The following CDH13 variants were observed in gnomAD, a reference collection of about 807,000 sequenced individuals.
CDH13 encodes cadherin-13.
Under a neutral mutation model 63.8 loss-of-function variants are expected in CDH13, and 24 were observed. That is an observed-to-expected ratio of 0.38 (90% confidence interval 0.27 to 0.53). The LOEUF (loss-of-function observed/expected upper bound fraction) is 0.53. Among genes scored for constraint, CDH13 ranks in the 20% least tolerant of loss-of-function variants. CDH13 has a pLI of 0.85. For missense variants in CDH13, 1,049 were observed against 903.1 expected (o/e 1.16, Z -2.07); for synonymous variants, 503 against 355.3 (o/e 1.42, Z -4.67).
intron 4 of CDH13, 79 bp downstream of exon 4, chr16:83,125,580 G>T: frequency 2.7e-6 from 2 of 744,306 alleles, no homozygotes; most frequent in Non-Finnish European, 4.7e-6. Context: ...TGACTGTCTT[G>T]GTGACCAGCT....
intron 5 of CDH13, among the ~76,000 whole-genome samples, chr16:83,305,807 T>G (rs2089861021): frequency 6.6e-6 from 1 of 152,212 alleles, no homozygotes; most frequent in Non-Finnish European, 1.5e-5. Flanking sequence ...AGCTACCTAG[T>G]AGGAGGCCAA....
intron 4 of CDH13, among the ~76,000 whole-genome samples, chr16:83,200,403 G>C (rs1234660519): frequency 6.6e-6 from 1 of 152,104 alleles, no homozygotes; most frequent in African/African-American, 2.4e-5. Flanking sequence ...ACTGTACCTC[G>C]TGTTCCATGT....
intron 6 of CDH13, among the ~76,000 whole-genome samples, chr16:83,483,941 G>T (rs1052511731): frequency 6.6e-6 from 1 of 152,156 alleles, no homozygotes; most frequent in Non-Finnish European, 1.5e-5. Flanking sequence ...GAGACAGGGG[G>T]GCTGCATGGG....
At chr16:83,646,712 A>AAACACACACAC (rs1168012793) in intron 8 of CDH13, among the ~76,000 whole-genome samples, 4 of 80,492 alleles carry the variant, frequency 5.0e-5, no homozygotes, top group African/African-American at 1.8e-4. Flanking sequence ...AAAAAAAAAA[A>AAACACACACAC]ACACACACAC....
At position 83,700,285 on chromosome 16, in the gene CDH13, G is replaced by T. The variant is rs543468260; in HGVS notation, c.1538+21824G>T. Among the ~76,000 whole-genome samples, 5 of 152,294 alleles carry T rather than the reference G, an allele frequency of 3.3e-5. No homozygotes were observed. In the South Asian group the frequency reaches 1.0e-3, roughly 32 times the overall value. Reference sequence around the variant, plus strand: ...AGTTACACAGAGACAAAGACCTTCTGCAGAAAGATTCAATTCTATGCAGTC... The same window carrying T: ...AGTTACACAGAGACAAAGACCTTCTTCAGAAAGATTCAATTCTATGCAGTC... On this transcript the variant is annotated intron_variant, in intron 10 of 13. Transcript: ENST00000567109.
rs561131564 is a variant in CDH13, at chr16:82,677,174, G to A, written c.45+50037G>A. Among the ~76,000 whole-genome samples, 13 of 152,316 alleles carry A rather than the reference G, an allele frequency of 8.5e-5. No individual in the cohort carries two copies. The South Asian group carries it at 1.2e-3, about 15-fold the overall frequency. ...TGGAATTATAGGAGTGAGCCACTGC[G>A]CCTGGCCTACACAGTTTTTATGCAT... On this transcript the variant is annotated intron_variant, in intron 1 of 13. Coordinates refer to ENST00000567109, the MANE Select transcript of CDH13 (RefSeq NM_001257.5).
chr16:83,371,632 T>A (rs1332856470), intron 6 of CDH13, among the ~76,000 whole-genome samples: 1 of 152,216 alleles, frequency 6.6e-6, no homozygotes, highest in Non-Finnish European at 1.5e-5. Context: ...TAGAAGTAAG[T>A]TAAATTTCAA....
intron 6 of CDH13, among the ~76,000 whole-genome samples, chr16:83,351,059 A>C (rs982095458): frequency 1.3e-5 from 2 of 152,198 alleles, no homozygotes; most frequent in African/African-American, 2.4e-5. Context: ...TTTGACACCT[A>C]GCTCAGCCGA....
At chr16:82,926,520 C>G (rs1257064102) in intron 2 of CDH13, among the ~76,000 whole-genome samples, 2 of 152,196 alleles carry the variant, frequency 1.3e-5, no homozygotes, top group Non-Finnish European at 2.9e-5. Flanking sequence ...ACTTTCTTCC[C>G]TCTGCTCTGA....
intron 1 of CDH13, among the ~76,000 whole-genome samples, chr16:82,736,189 C>A (rs1294850894): frequency 6.6e-6 from 1 of 152,154 alleles, no homozygotes; most frequent in Non-Finnish European, 1.5e-5. Context: ...GTTGATTTTT[C>A]TCTCTTTAAA....
rs186538646 is a variant in CDH13 at position 82,835,676 on chromosome 16, G to A, written c.46-22686G>A. ...CTGTCCCTCCACAGGCTTGATCAGC[G>A]GCCTCCCTGCTCCTGTTCTCTAGAT... On this transcript the variant is annotated intron_variant, in intron 1 of 13. Coordinates refer to ENST00000567109, the MANE Select transcript of CDH13 (RefSeq NM_001257.5). 3.9e-3 allele frequency among the ~76,000 whole-genome samples: 595 copies of A among 152,242 alleles called. 3 individuals are homozygous for A. The highest frequency in any genetic ancestry group is 6.6e-3 in the Admixed American group (101 of 15,286).
chr16:83,756,581 C>T (rs8047962), intron 11 of CDH13, among the ~76,000 whole-genome samples: 70,773 of 152,110 alleles, frequency 0.47, 17,365 homozygotes, highest in African/African-American at 0.64. Context: ...TCTTCAGCTA[C>T]TGTTAGTGTT....
intron 5 of CDH13, among the ~76,000 whole-genome samples, chr16:83,247,740 ATAAT>A (rs1214212153): frequency 6.6e-6 from 1 of 152,288 alleles, no homozygotes; most frequent in East Asian, 1.9e-4. Context: ...CACCCCACCT[ATAAT>A]TAATTATAAA....
In CDH13 at chr16:83,091,698, A is replaced by C. The variant is rs546627215; in HGVS notation, c.367-33687A>C. ...ATCAGATAAGGTTATAGTGAAAAAT[A>C]TATCTGCTAGGGTATTCACTTCATA... On this transcript the variant is annotated intron_variant, in intron 3 of 13. Coordinates refer to ENST00000567109, the MANE Select transcript of CDH13 (RefSeq NM_001257.5). 1.1e-4 allele frequency among the ~76,000 whole-genome samples: 16 copies of C among 152,356 alleles called. No homozygotes were observed. In the East Asian group the frequency reaches 3.1e-3, roughly 29 times the overall value.
chr16:83,371,847 G>T (rs1184515301), intron 6 of CDH13, among the ~76,000 whole-genome samples: 1 of 152,132 alleles, frequency 6.6e-6, no homozygotes, highest in African/African-American at 2.4e-5. Context: ...TGTCTACATT[G>T]CAGAAAGGCT....
intron 5 of CDH13, among the ~76,000 whole-genome samples, chr16:83,332,495 C>G (rs1028996478): frequency 6.6e-6 from 1 of 152,174 alleles, no homozygotes; most frequent in African/African-American, 2.4e-5. Flanking sequence ...GCATTTATTT[C>G]TATTCCTCTG....
intron 6 of CDH13, among the ~76,000 whole-genome samples, chr16:83,476,301 C>G (rs995865300): frequency 6.6e-6 from 1 of 152,138 alleles, no homozygotes; most frequent in African/African-American, 2.4e-5. Context: ...CAGGCATTGC[C>G]AAATGTTCCC....
At chr16:82,701,234 C>G (rs1427833873) in intron 1 of CDH13, among the ~76,000 whole-genome samples, 1 of 152,182 alleles carries the variant, frequency 6.6e-6, no homozygotes, top group Non-Finnish European at 1.5e-5. Context: ...AAATCCACAT[C>G]TCCTTTCAAC....
At position 83,095,629 on chromosome 16, in the gene CDH13, A is replaced by G. The variant is rs115550705; in HGVS notation, c.367-29756A>G. Among the ~76,000 whole-genome samples, 1,010 of 152,346 alleles carry G rather than the reference A, an allele frequency of 6.6e-3. 17 individuals carry two copies. Among genetic ancestry groups the G allele is most frequent in the African/African-American group, 0.022 (901 of 41,582 alleles). On this transcript the variant is annotated intron_variant, in intron 3 of 13. Coordinates refer to ENST00000567109, the MANE Select transcript of CDH13 (RefSeq NM_001257.5). Reference sequence around the variant, plus strand: ...AGAACACCTCGCCAAAATCCTTGGCATATGGTAGATGCTCAACACAGGTGC... The same window carrying G: ...AGAACACCTCGCCAAAATCCTTGGCGTATGGTAGATGCTCAACACAGGTGC...
Sources: gnomAD v4.1 joint callset for allele counts (sites outside exome capture counted in the v4.1 genomes callset) on GRCh38, gnomAD v4.1.1 for gene constraint, MANE v1.5 for transcripts, NCBI Gene and HGNC (gene_info 2026-07-23, HGNC 2026-07-21) for gene names.